Variants in DENND1B observed in about 807,000 individuals in gnomAD.
DENND1B encodes DENN domain containing 1B.
In DENND1B, 59 loss-of-function variants were observed where a neutral mutation model predicts 90.1. The ratio of observed to expected loss-of-function variants is 0.65; its 90% CI spans 0.53 to 0.81. The LOEUF is 0.81. Ranked by LOEUF, DENND1B falls within the 40% of genes least tolerant of loss-of-function variation. The pLI, the probability that DENND1B is intolerant of heterozygous loss-of-function variation, is 0.00. For missense variants in DENND1B, 862 were observed against 912.6 expected (o/e 0.94, Z 0.71); for synonymous variants, 337 against 324.6 (o/e 1.04, Z -0.41).
At chr1:197,665,127 T>C (rs1456017890) in intron 5 of DENND1B, among the ~76,000 whole-genome samples, 1 of 152,104 alleles carries the variant, frequency 6.6e-6, no homozygotes, top group Non-Finnish European at 1.5e-5. Flanking sequence ...GAACAGTGGC[T>C]CAAAATTAAA....
chr1:197,582,713 T>C (rs1423651985), intron 15 of DENND1B, among the ~76,000 whole-genome samples: 1 of 152,180 alleles, frequency 6.6e-6, no homozygotes, highest in Non-Finnish European at 1.5e-5. Flanking sequence ...TGTATGAGTA[T>C]TAAAAAGTCT....
At chr1:197,554,581 T>A (rs1372268109) in intron 15 of DENND1B, among the ~76,000 whole-genome samples, 1 of 152,046 alleles carries the variant, frequency 6.6e-6, no homozygotes, top group Non-Finnish European at 1.5e-5. Context: ...GGCTCACGCC[T>A]GTAATACCAG....
chr1:197,692,988 C>T (rs1328979805), intron 3 of DENND1B, among the ~76,000 whole-genome samples: 1 of 151,674 alleles, frequency 6.6e-6, no homozygotes, highest in African/African-American at 2.4e-5. Flanking sequence ...ACATCATCTT[C>T]CCTCAAAATA....
At chr1:197,565,247 A>G (rs1672528048) in intron 15 of DENND1B, among the ~76,000 whole-genome samples, 1 of 152,022 alleles carries the variant, frequency 6.6e-6, no homozygotes, top group South Asian at 2.1e-4. Context: ...GAAAATCTGT[A>G]GCTAACATAA....
At position 197,672,119 on chromosome 1, in the gene DENND1B, CA is replaced by C. The variant is rs1472223180; in HGVS notation, c.213del (p.Phe71LeufsTer3). 1 of 1,612,426 alleles carries C rather than the reference CA, an allele frequency of 6.2e-7. No individual in the cohort carries two copies. Among genetic ancestry groups the C allele is most frequent in the South Asian group, 1.1e-5 (1 of 90,972 alleles). ...SQNQVGQHFT[F>X]VLTDIESKQR... ...TGTTTACTTTCAATGTCTGTCAGTA[CA>C]AAGGTAAAGTGCTGTCCAACTTGAT... On this transcript the variant is annotated frameshift_variant, in exon 5 of 23. Transcript: ENST00000620048. LOFTEE classifies it high-confidence loss of function.
chr1:197,629,342 C>T (rs1679101587), intron 10 of DENND1B, among the ~76,000 whole-genome samples: 2 of 152,018 alleles, frequency 1.3e-5, no homozygotes, highest in African/African-American at 4.8e-5. Flanking sequence ...GAATACTATG[C>T]AGCCAGAAAA....
intron 2 of DENND1B, among the ~76,000 whole-genome samples, chr1:197,730,006 G>C (rs985454906): frequency 1.3e-5 from 2 of 151,948 alleles, no homozygotes; most frequent in African/African-American, 4.8e-5. Flanking sequence ...TGACCTCACA[G>C]AACTCCTGAA....
chr1:197,734,704 T>A, intron 2 of DENND1B: 1 of 985,000 alleles, frequency 1.0e-6, no homozygotes, highest in Non-Finnish European at 1.2e-6. Flanking sequence ...GTAACTACTG[T>A]ATACAGGATT....
In DENND1B at chr1:197,607,141, TAAC is replaced by T; in HGVS notation, c.850_852del (p.Val284del). The T allele has an allele frequency of 3.1e-6, 5 of 1,598,248 alleles. No homozygotes were observed. Among genetic ancestry groups the T allele is most frequent in the South Asian group, 1.1e-5 (1 of 89,778 alleles). On this transcript the variant is annotated inframe_deletion, in exon 13 of 23. Transcript: ENST00000620048. ...AATGTGTTTGTATCAACATTTAACATAACAACATCTTCCAATGATTTGTTTTTC... is the reference window on the plus strand; with the variant it reads ...AATGTGTTTGTATCAACATTTAACATAACATCTTCCAATGATTTGTTTTTC...
At chr1:197,512,017 T>C (rs1668065827) in intron 21 of DENND1B, 73 bp from the exon 22 acceptor site, 1 of 1,108,470 alleles carries the variant, frequency 9.0e-7, no homozygotes, top group Non-Finnish European at 1.3e-6. Context: ...TCTCACCAGT[T>C]ACATTACATT....
At chr1:197,565,977 T>G (rs1470577522) in intron 15 of DENND1B, among the ~76,000 whole-genome samples, 1 of 151,740 alleles carries the variant, frequency 6.6e-6, no homozygotes, top group Non-Finnish European at 1.5e-5. Flanking sequence ...TATAGCAGCA[T>G]GATTTATAGT....
At chr1:197,688,607 A>T (rs1344025855) in intron 3 of DENND1B, among the ~76,000 whole-genome samples, 7 of 152,108 alleles carry the variant, frequency 4.6e-5, no homozygotes, top group African/African-American at 1.7e-4. Context: ...GGAAAACTGG[A>T]TGTCTACATG....
chr1:197,607,037 CATAT>C (rs771012272), intron 13 of DENND1B, 32 bp downstream of exon 13: 2 of 1,471,710 alleles, frequency 1.4e-6, no homozygotes, highest in Non-Finnish European at 1.9e-6. Context: ...CAGGAGAAAA[CATAT>C]ATGTTCACCA....
rs912068072 is a variant in DENND1B, at chr1:197,614,753, GA to G, written c.774-2778del. 4.7e-5 allele frequency among the ~76,000 whole-genome samples: 7 copies of G among 150,046 alleles called. No homozygotes were observed. In the East Asian group the frequency reaches 9.8e-4, roughly 21 times the overall value. On this transcript the variant is annotated intron_variant, in intron 11 of 22. Transcript: ENST00000620048. ...GAATACAATTTTCCATTTTTTTAAA[GA>G]AAAAAAATACCTATTCTCTCAGAAG...
intron 2 of DENND1B, among the ~76,000 whole-genome samples, chr1:197,751,811 T>A (rs1653557805): frequency 6.9e-6 from 1 of 145,378 alleles, no homozygotes; most frequent in East Asian, 2.0e-4. Context: ...GCCACTACAC[T>A]CCAGCCTGGG....
chr1:197,732,241 T>C (rs1043209082), intron 2 of DENND1B, among the ~76,000 whole-genome samples: 5 of 152,162 alleles, frequency 3.3e-5, no homozygotes, highest in African/African-American at 1.2e-4. Context: ...GTCAACTAAT[T>C]ATTAGTTCAA....
rs139783637 is a variant in DENND1B, at chr1:197,568,939, C to T, written c.1149+14213G>A. On this transcript the variant is annotated intron_variant, in intron 15 of 22. Coordinates refer to ENST00000620048, the MANE Select transcript of DENND1B (RefSeq NM_001195215.2). ...ATCATGACTTCAAAAGCACAGGCAA[C>T]GAAAGCAAAAATAGACAAATATGAT... 6.3e-3 allele frequency among the ~76,000 whole-genome samples: 956 copies of T among 151,720 alleles called. 11 individuals carry two copies. Among genetic ancestry groups the T allele is most frequent in the African/African-American group, 0.022 (914 of 41,350 alleles).
intron 20 of DENND1B, among the ~76,000 whole-genome samples, chr1:197,521,480 C>T (rs186467078): frequency 6.3e-4 from 95 of 151,946 alleles, no homozygotes; most frequent in African/African-American, 2.2e-3. Flanking sequence ...GCTTGTAATA[C>T]ATAAATTTTT....
chr1:197,573,460 A>G (rs1440539803), intron 15 of DENND1B, among the ~76,000 whole-genome samples: 1 of 152,188 alleles, frequency 6.6e-6, no homozygotes, highest in East Asian at 1.9e-4. Context: ...GCAATAATCA[A>G]TAGCTTACCA....
Sources: allele counts gnomAD v4.1 joint callset (sites outside exome capture counted in the v4.1 genomes callset), GRCh38; gene constraint gnomAD v4.1.1; transcripts MANE v1.5; gene names NCBI Gene and HGNC (gene_info 2026-07-23, HGNC 2026-07-21).